Variants in CAB39 observed in about 807,000 individuals in gnomAD.
CAB39 encodes calcium binding protein 39, also known as calcium-binding protein 39.
A neutral mutation model predicts 40.0 loss-of-function variants in CAB39; 8 were observed. The ratio of observed to expected loss-of-function variants is 0.20; its 90% confidence interval spans 0.12 to 0.36. CAB39 has a LOEUF of 0.36. CAB39 is among the 10% of genes least tolerant of loss of function. CAB39 has a pLI of 1.00. For synonymous variants in CAB39, 156 were observed against 141.6 expected, an observed-to-expected ratio of 1.10 and a Z score of -0.72; for missense variants, 270 against 401.1, an observed-to-expected ratio of 0.67 and a Z score of 2.79.
chr2:230,733,675 C>T (rs1002258287), intron 1 of CAB39, among the ~76,000 whole-genome samples: 4 of 152,176 alleles, frequency 2.6e-5, no homozygotes, highest in Non-Finnish European at 5.9e-5. Flanking sequence ...TGCCTTATAA[C>T]TCTAAAAAAG....
intron 1 of CAB39, among the ~76,000 whole-genome samples, chr2:230,730,701 C>T (rs963568395): frequency 1.3e-5 from 2 of 152,138 alleles, no homozygotes; most frequent in South Asian, 4.1e-4. Context: ...GCCTCGGCCT[C>T]CCAAAGTGCT....
At chr2:230,725,771 C>CT (rs1268831026) in intron 1 of CAB39, among the ~76,000 whole-genome samples, 1 of 152,156 alleles carries the variant, frequency 6.6e-6, no homozygotes, top group Non-Finnish European at 1.5e-5. Context: ...ACACAAAGAA[C>CT]TTTCATTTCT....
In CAB39 at chr2:230,805,849, T is replaced by C. The variant is rs539952008; in HGVS notation, c.568-4414T>C. ...TGCCGTCACCCTGCAGAGAAACTTC[T>C]AGCGAATTTCCACGGGGCTTTCCCC... On this transcript the variant is annotated intron_variant, in intron 5 of 8. Coordinates refer to ENST00000258418, the MANE Select transcript of CAB39 (RefSeq NM_016289.4). Among the ~76,000 whole-genome samples the C allele has an allele frequency of 5.6e-4, 86 of 152,370 alleles. 1 individual carries two copies. Among genetic ancestry groups the C allele is most frequent in the African/African-American group, 1.9e-3 (78 of 41,592 alleles).
chr2:230,776,319 C>A (rs945885218), intron 2 of CAB39, among the ~76,000 whole-genome samples: 5 of 152,086 alleles, frequency 3.3e-5, no homozygotes, highest in African/African-American at 1.2e-4. Context: ...TACAGGAGAA[C>A]CCATGTACCT....
intron 7 of CAB39, among the ~76,000 whole-genome samples, chr2:230,814,943 C>G (rs1421996264): frequency 3.3e-5 from 5 of 152,144 alleles, no homozygotes; most frequent in Non-Finnish European, 7.4e-5. Flanking sequence ...TTTGCCAGGT[C>G]CATTTAAAAT....
chr2:230,805,689 A>G (rs946208132), intron 5 of CAB39, among the ~76,000 whole-genome samples: 1 of 152,248 alleles, frequency 6.6e-6, no homozygotes, highest in African/African-American at 2.4e-5. Context: ...CTTCATCACA[A>G]CAAGGATATG....
chr2:230,792,511 A>G (rs1404630569), intron 3 of CAB39, among the ~76,000 whole-genome samples: 1 of 152,180 alleles, frequency 6.6e-6, no homozygotes, highest in African/African-American at 2.4e-5. Context: ...CTGTTCAGAA[A>G]TGCCACTTGG....
At chr2:230,731,371 C>T (rs757980464) in intron 1 of CAB39, among the ~76,000 whole-genome samples, 2 of 151,982 alleles carry the variant, frequency 1.3e-5, no homozygotes, top group Non-Finnish European at 2.9e-5. Context: ...CTCATGTAAA[C>T]CAGGAAAAAA....
At chr2:230,751,617 C>T (rs1406286607) in intron 1 of CAB39, among the ~76,000 whole-genome samples, 1 of 152,150 alleles carries the variant, frequency 6.6e-6, no homozygotes, top group African/African-American at 2.4e-5. Context: ...AATGGGTATC[C>T]TGTATATTCT....
intron 5 of CAB39, among the ~76,000 whole-genome samples, chr2:230,808,822 G>A (rs180990088): frequency 5.5e-4 from 84 of 152,324 alleles, no homozygotes; most frequent in Non-Finnish European, 9.8e-4. Flanking sequence ...GAAGATTGCT[G>A]AATGTGATGT....
chr2:230,744,654 A>G (rs1694942489), intron 1 of CAB39, among the ~76,000 whole-genome samples: 1 of 152,238 alleles, frequency 6.6e-6, no homozygotes, highest in Admixed American at 6.5e-5. Flanking sequence ...TTGTTTATAC[A>G]TGTCCTACCT....
chr2:230,794,035 G>A (rs1377359268), intron 4 of CAB39, among the ~76,000 whole-genome samples: 1 of 152,188 alleles, frequency 6.6e-6, no homozygotes, highest in Non-Finnish European at 1.5e-5. Flanking sequence ...TTGTGTGCCA[G>A]CCCCGGGTAT....
intron 1 of CAB39, among the ~76,000 whole-genome samples, chr2:230,741,117 G>A (rs76779095): frequency 0.02 from 2,986 of 152,192 alleles, 90 homozygotes; most frequent in African/African-American, 0.068. Flanking sequence ...TTCCCCCAAG[G>A]TTTATCTCCC....
intron 1 of CAB39, among the ~76,000 whole-genome samples, chr2:230,745,131 TTTAA>T (rs1286747470): frequency 6.6e-6 from 1 of 152,266 alleles, no homozygotes; most frequent in African/African-American, 2.4e-5. Flanking sequence ...GTACTCATTG[TTTAA>T]TTCATTCATT....
intron 2 of CAB39, among the ~76,000 whole-genome samples, chr2:230,760,662 C>T (rs969050330): frequency 2.0e-5 from 3 of 152,204 alleles, no homozygotes; most frequent in African/African-American, 7.2e-5. Flanking sequence ...CCTGGGAGGA[C>T]ACCCCTCCTG....
At chr2:230,726,217 C>T (rs960643416) in intron 1 of CAB39, among the ~76,000 whole-genome samples, 10 of 151,956 alleles carry the variant, frequency 6.6e-5, no homozygotes, top group African/African-American at 2.4e-4. Flanking sequence ...GGCTGGAGTG[C>T]AGTGGCATGA....
rs1389508430 is a variant in CAB39 at position 230,818,522 on chromosome 2, G to A, written c.844G>A (p.Val282Ile). The change falls in exon 9 of 9, where the codon GTA becomes ATA. Residue 282 changes from valine to isoleucine, a missense_variant. Physicochemically the swap from Val to Ile is conservative, Grantham distance 29. Coordinates refer to ENST00000258418, the MANE Select transcript of CAB39 (RefSeq NM_016289.4). ...TGCGTTTCTCTCCACGCAGGTGTTT[G>A]TAGCCAATCCTAACAAGACGCAGCC... ...FEAFHVFKVFVANPNKTQPIL... is the reference protein window; with the variant it reads ...FEAFHVFKVFIANPNKTQPIL... 1.2e-6 allele frequency: 2 copies of A among 1,613,602 alleles called. No individual in the cohort carries two copies. The highest frequency in any genetic ancestry group is 2.2e-5 in the East Asian group (1 of 44,870).
rs4583454 is a variant in CAB39, at chr2:230,725,397, T to A, written c.-44+12167T>A. 7.5e-3 allele frequency: 11,982 copies of A among 1,598,278 alleles called. 634 individuals are homozygous for A. The Admixed American group carries it at 0.1, about 13-fold the overall frequency. On this transcript the variant is annotated intron_variant, in intron 1 of 8. Coordinates refer to ENST00000258418, the MANE Select transcript of CAB39 (RefSeq NM_016289.4). ...ACGAAGTCTCGGTGCTTTTGGGAGG[T>A]TGTCATCTTGATCAGGCTTAATCCG...
intron 1 of CAB39, among the ~76,000 whole-genome samples, chr2:230,749,009 GT>G (rs141878027): frequency 1.1e-4 from 16 of 140,518 alleles, no homozygotes; most frequent in Non-Finnish European, 1.4e-4. Context: ...CCGCCCCCGT[GT>G]TTTTTTTTTA....
Sources: gnomAD v4.1 joint callset for allele counts (sites outside exome capture counted in the v4.1 genomes callset) on GRCh38, gnomAD v4.1.1 for gene constraint, MANE v1.5 for transcripts, NCBI Gene and HGNC (gene_info 2026-07-23, HGNC 2026-07-21) for gene names.